NEDD4L: variants seen among roughly 807,000 people sequenced by gnomAD.
NEDD4L encodes NEDD4 like E3 ubiquitin protein ligase.
A neutral mutation model predicts 148.9 loss-of-function variants in NEDD4L; 54 were observed. The observed-to-expected ratio is 0.36, with a 90% CI of 0.29 to 0.45. NEDD4L has a LOEUF of 0.45. Among genes scored for constraint, NEDD4L ranks in the 20% least tolerant of loss-of-function variants. The probability of loss-of-function intolerance (pLI) is 1.00; values close to 1 mark genes in which losing one functional copy is unlikely to be tolerated. For missense variants in NEDD4L, 856 were observed against 1,233.8 expected (o/e 0.69, Z 4.59); for synonymous variants, 433 against 440.7 (o/e 0.98, Z 0.22).
chr18:58,287,420 C>T (rs1479696457), intron 5 of NEDD4L, among the ~76,000 whole-genome samples: 6 of 152,098 alleles, frequency 3.9e-5, no homozygotes, highest in Non-Finnish European at 7.4e-5. Context: ...GGCTCCCTGC[C>T]CATGGAGATC....
At chr18:58,222,374 C>T (rs1168190990) in intron 2 of NEDD4L, among the ~76,000 whole-genome samples, 1 of 152,086 alleles carries the variant, frequency 6.6e-6, no homozygotes, top group African/African-American at 2.4e-5. Context: ...TTCTCTTCCT[C>T]GGTATGAGTA....
intron 2 of NEDD4L, among the ~76,000 whole-genome samples, chr18:58,172,063 G>C (rs1277213679): frequency 6.6e-6 from 1 of 152,168 alleles, no homozygotes; most frequent in Non-Finnish European, 1.5e-5. Context: ...ATTGGGCACA[G>C]AAGGTCATGG....
At chr18:58,090,310 C>T (rs2084002611) in intron 1 of NEDD4L, among the ~76,000 whole-genome samples, 3 of 151,926 alleles carry the variant, frequency 2.0e-5, no homozygotes, top group Admixed American at 1.3e-4. Flanking sequence ...TGTAAATTAA[C>T]ATGTGCCTTT....
chr18:58,260,884 C>T (rs1600375183), intron 5 of NEDD4L, among the ~76,000 whole-genome samples: 1 of 152,266 alleles, frequency 6.6e-6, no homozygotes, highest in African/African-American at 2.4e-5. Context: ...TCCTGGAGTA[C>T]TTAGACTCCC....
intron 19 of NEDD4L, among the ~76,000 whole-genome samples, chr18:58,362,191 A>G (rs2045577508): frequency 6.6e-6 from 1 of 152,250 alleles, no homozygotes; most frequent in Non-Finnish European, 1.5e-5. Flanking sequence ...GCTGGGGGCC[A>G]CATGTTGAAA....
intron 6 of NEDD4L, among the ~76,000 whole-genome samples, chr18:58,322,081 CA>C (rs748210122): frequency 5.9e-5 from 9 of 152,236 alleles, no homozygotes; most frequent in Non-Finnish European, 1.0e-4. Flanking sequence ...TCTCGAGTCA[CA>C]GGCATATAGC....
chr18:58,353,731 C>T (rs1489223968), intron 18 of NEDD4L, among the ~76,000 whole-genome samples: 1 of 152,208 alleles, frequency 6.6e-6, no homozygotes, highest in Non-Finnish European at 1.5e-5. Flanking sequence ...TCCTTTCTGT[C>T]AGAAGAAAGC....
intron 5 of NEDD4L, among the ~76,000 whole-genome samples, chr18:58,312,456 G>A (rs908022160): frequency 1.3e-5 from 2 of 152,194 alleles, no homozygotes; most frequent in Non-Finnish European, 2.9e-5. Context: ...ATGAGGTGTT[G>A]CACTGTGGTG....
chr18:58,174,539 C>A (rs559893547), intron 2 of NEDD4L, among the ~76,000 whole-genome samples: 1 of 152,178 alleles, frequency 6.6e-6, no homozygotes, highest in Non-Finnish European at 1.5e-5. Flanking sequence ...GGTTGTTTCG[C>A]TTACCACATT....
intron 5 of NEDD4L, among the ~76,000 whole-genome samples, chr18:58,279,899 G>T (rs1024990855): frequency 6.6e-6 from 1 of 152,156 alleles, no homozygotes; most frequent in Admixed American, 6.5e-5. Flanking sequence ...AACATACACG[G>T]ATGTTGAGCA....
intron 1 of NEDD4L, among the ~76,000 whole-genome samples, chr18:58,125,778 T>C (rs990345577): frequency 1.3e-5 from 2 of 152,266 alleles, no homozygotes; most frequent in South Asian, 2.1e-4. Context: ...TATTTCAACA[T>C]GTAATCAGTA....
intron 26 of NEDD4L, among the ~76,000 whole-genome samples, chr18:58,386,470 A>G (rs187008373): frequency 6.6e-6 from 1 of 152,282 alleles, no homozygotes; most frequent in East Asian, 1.9e-4. Flanking sequence ...TTTATTTTAT[A>G]CCCAGCCACC....
chr18:58,206,952 C>T (rs2042044466), intron 2 of NEDD4L, among the ~76,000 whole-genome samples: 2 of 152,220 alleles, frequency 1.3e-5, no homozygotes, highest in Non-Finnish European at 1.5e-5. Flanking sequence ...AGTTCTCCCA[C>T]CCATCCTGTG....
At chr18:58,335,033 T>C (rs1353369290) in intron 12 of NEDD4L, among the ~76,000 whole-genome samples, 1 of 152,230 alleles carries the variant, frequency 6.6e-6, no homozygotes, top group Non-Finnish European at 1.5e-5. Context: ...TCAAAATCAA[T>C]GTCAATTTTA....
At chr18:58,090,028 CG>C (rs773825201) in intron 1 of NEDD4L, among the ~76,000 whole-genome samples, 26 of 151,942 alleles carry the variant, frequency 1.7e-4, no homozygotes, top group Admixed American at 7.9e-4. Flanking sequence ...TTAGTAGAGA[CG>C]GGGTTTCACC....
chr18:58,272,767 C>T (rs2148836059), intron 5 of NEDD4L, among the ~76,000 whole-genome samples: 1 of 152,330 alleles, frequency 6.6e-6, no homozygotes, highest in East Asian at 1.9e-4. Context: ...TTCTGAATTC[C>T]TTCTGCTGTC....
chr18:58,114,481 T>C (rs2085642258), intron 1 of NEDD4L, among the ~76,000 whole-genome samples: 1 of 152,234 alleles, frequency 6.6e-6, no homozygotes, highest in South Asian at 2.1e-4. Flanking sequence ...CTTTATCTTT[T>C]ACCGTCTTGC....
At chr18:58,162,671 C>T (rs2036365250) in intron 1 of NEDD4L, among the ~76,000 whole-genome samples, 2 of 151,144 alleles carry the variant, frequency 1.3e-5, no homozygotes, top group African/African-American at 4.9e-5. Flanking sequence ...ACATCTCTAT[C>T]TCCAGATAAC....
At chr18:58,063,276 C>T (rs2082425142) in intron 1 of NEDD4L, among the ~76,000 whole-genome samples, 1 of 151,556 alleles carries the variant, frequency 6.6e-6, no homozygotes, top group African/African-American at 2.4e-5. Context: ...AGGCTGGTCT[C>T]GAACTCCTGG....
Sources: allele counts gnomAD v4.1 joint callset (sites outside exome capture counted in the v4.1 genomes callset), GRCh38; gene constraint gnomAD v4.1.1; transcripts MANE v1.5; gene names NCBI Gene and HGNC (gene_info 2026-07-23, HGNC 2026-07-21).